GPATCH2: variants seen among roughly 807,000 people sequenced by gnomAD.
GPATCH2 encodes the protein G-patch domain containing 2.
Under a neutral mutation model 58.0 loss-of-function variants are expected in GPATCH2, and 51 were observed. The observed-to-expected ratio is 0.88, with a 90% CI of 0.70 to 1.11. The LOEUF (loss-of-function observed/expected upper bound fraction) is 1.11. Among genes scored for constraint, GPATCH2 ranks in the 50% most tolerant of loss-of-function variants. GPATCH2 has a pLI of 0.00. For synonymous variants in GPATCH2, 222 were observed against 218.5 expected (o/e 1.02, Z -0.14); for missense variants, 625 against 652.2 (o/e 0.96, Z 0.45).
chr1:217,465,748 A>T (rs1281161046), intron 8 of GPATCH2, among the ~76,000 whole-genome samples: 1 of 152,216 alleles, frequency 6.6e-6, no homozygotes, highest in Non-Finnish European at 1.5e-5. Context: ...AGTCTTGGGT[A>T]TGTCATTATC....
intron 7 of GPATCH2, among the ~76,000 whole-genome samples, chr1:217,492,986 G>A (rs1439264039): frequency 6.6e-6 from 1 of 152,160 alleles, no homozygotes; most frequent in Non-Finnish European, 1.5e-5. Context: ...AGAAGGAATA[G>A]ACCTTCCTTA....
chr1:217,555,816 C>CTTAAAGT (rs1665590629), intron 5 of GPATCH2, among the ~76,000 whole-genome samples: 1 of 152,136 alleles, frequency 6.6e-6, no homozygotes, highest in Non-Finnish European at 1.5e-5. Flanking sequence ...TGCACTTCAC[C>CTTAAAGT]TTAAAGTTTA....
At chr1:217,551,792 G>A (rs922404529) in intron 5 of GPATCH2, among the ~76,000 whole-genome samples, 31 of 152,230 alleles carry the variant, frequency 2.0e-4, no homozygotes, top group African/African-American at 7.2e-4. Context: ...GTTTTCAAGG[G>A]AGGAAACCAG....
At chr1:217,611,483 C>A (rs1668629570) in intron 3 of GPATCH2, among the ~76,000 whole-genome samples, 1 of 151,952 alleles carries the variant, frequency 6.6e-6, no homozygotes, top group South Asian at 2.1e-4. Context: ...ATGTGAAAAA[C>A]AATAATAAAC....
intron 5 of GPATCH2, among the ~76,000 whole-genome samples, chr1:217,536,261 A>T (rs1276963794): frequency 6.6e-6 from 1 of 152,160 alleles, no homozygotes; most frequent in Non-Finnish European, 1.5e-5. Flanking sequence ...GTGCCTCAAT[A>T]ATCTCAGCCA....
intron 9 of GPATCH2, among the ~76,000 whole-genome samples, chr1:217,433,926 A>C (rs1287219944): frequency 6.6e-6 from 1 of 152,230 alleles, no homozygotes; most frequent in Non-Finnish European, 1.5e-5. Flanking sequence ...CCTGTTATTT[A>C]CTATGGAGTA....
chr1:217,558,395 A>G (rs181606476), intron 5 of GPATCH2, among the ~76,000 whole-genome samples: 1 of 152,218 alleles, frequency 6.6e-6, no homozygotes, highest in Admixed American at 6.5e-5. Flanking sequence ...AACATTAAAC[A>G]ACAATGGAAT....
intron 5 of GPATCH2, among the ~76,000 whole-genome samples, chr1:217,521,192 A>G (rs770087260): frequency 2.0e-5 from 3 of 152,192 alleles, no homozygotes; most frequent in Non-Finnish European, 4.4e-5. Flanking sequence ...TTCATAAACA[A>G]TGTGCCTAGA....
In GPATCH2 at chr1:217,498,169, T is replaced by G. The variant is rs1662103352; in HGVS notation, c.1206+187A>C. ...ACAGTGGCAGTAAAGGAAAGAAAAC[T>G]CTCATGCTGATTAAGGATCACGCAT... On this transcript the variant is annotated intron_variant, in intron 7 of 9. Coordinates refer to ENST00000366935, the MANE Select transcript of GPATCH2 (RefSeq NM_018040.5). The G allele has an allele frequency of 1.4e-5, 10 of 694,610 alleles. No individual in the cohort carries two copies. The South Asian group carries it at 1.6e-4, about 11-fold the overall frequency. The allele number at this position is 694,610 out of a possible 1,614,324, so 43.0% of individuals were successfully genotyped here.
intron 6 of GPATCH2, among the ~76,000 whole-genome samples, chr1:217,501,860 T>G (rs1238255538): frequency 3.3e-5 from 5 of 152,136 alleles, no homozygotes; most frequent in Non-Finnish European, 7.4e-5. Context: ...ACTAGTCTTT[T>G]GCTAGATATG....
intron 1 of GPATCH2, 105 bp downstream of exon 1, chr1:217,630,811 T>C: frequency 2.5e-6 from 2 of 784,834 alleles, no homozygotes; most frequent in Non-Finnish European, 4.1e-6. Context: ...TGTCTTCAGA[T>C]CATCCATCAC....
intron 5 of GPATCH2, among the ~76,000 whole-genome samples, chr1:217,597,521 C>T (rs1667896389): frequency 6.6e-6 from 1 of 152,108 alleles, no homozygotes; most frequent in Non-Finnish European, 1.5e-5. Flanking sequence ...ACCTCTTAAA[C>T]AGGCAATTCA....
chr1:217,464,829 C>A (rs1246748377), intron 8 of GPATCH2, among the ~76,000 whole-genome samples: 2 of 152,012 alleles, frequency 1.3e-5, no homozygotes, highest in South Asian at 2.1e-4. Context: ...GTACAGGAAA[C>A]CTCATTCAGA....
At chr1:217,453,245 A>G (rs965004457) in intron 8 of GPATCH2, among the ~76,000 whole-genome samples, 1 of 152,234 alleles carries the variant, frequency 6.6e-6, no homozygotes, top group African/African-American at 2.4e-5. Context: ...GCAACGTCCT[A>G]GGAACAGACC....
At chr1:217,497,081 C>T (rs1025456470) in intron 7 of GPATCH2, among the ~76,000 whole-genome samples, 11 of 152,026 alleles carry the variant, frequency 7.2e-5, no homozygotes, top group Non-Finnish European at 1.3e-4. Flanking sequence ...TAGTCTAAAA[C>T]CTAGATTTAT....
At chr1:217,546,560 G>A (rs969960617) in intron 5 of GPATCH2, among the ~76,000 whole-genome samples, 18 of 152,112 alleles carry the variant, frequency 1.2e-4, no homozygotes, top group African/African-American at 4.1e-4. Flanking sequence ...AGCCATATGT[G>A]GAAGATAAAA....
chr1:217,489,476 C>T (rs1409169876), intron 8 of GPATCH2, among the ~76,000 whole-genome samples: 1 of 152,218 alleles, frequency 6.6e-6, no homozygotes, highest in East Asian at 1.9e-4. Flanking sequence ...ACCCTGCAAA[C>T]TTAACACGCT....
At chr1:217,434,650 G>A (rs1214156130) in intron 9 of GPATCH2, among the ~76,000 whole-genome samples, 3 of 152,092 alleles carry the variant, frequency 2.0e-5, no homozygotes, top group Non-Finnish European at 2.9e-5. Flanking sequence ...ATTAAAATTT[G>A]TTTAATATTT....
chr1:217,449,365 T>G, intron 8 of GPATCH2, 28 bp from the exon 9 acceptor site: 1 of 1,334,006 alleles, frequency 7.5e-7, no homozygotes. Context: ...AAAAAACTAT[T>G]AACAAAGAAG....
Sources: allele counts gnomAD v4.1 joint callset (sites outside exome capture counted in the v4.1 genomes callset), GRCh38; gene constraint gnomAD v4.1.1; transcripts MANE v1.5; gene names NCBI Gene and HGNC (gene_info 2026-07-23, HGNC 2026-07-21).